Variants in PCDH11X observed in about 807,000 individuals in gnomAD.
The protein encoded by PCDH11X is protocadherin-11 X-linked.
Under a neutral mutation model 53.3 loss-of-function variants are expected in PCDH11X, and 18 were observed. That is an observed-to-expected ratio of 0.34 (90% CI 0.23 to 0.50). The LOEUF is 0.50. Ranked by LOEUF, PCDH11X falls within the 20% of genes least tolerant of loss-of-function variation. The pLI, the probability that PCDH11X is intolerant of heterozygous loss-of-function variation, is 0.98. For missense variants in PCDH11X, 570 were observed against 1,032.4 expected (o/e 0.55, Z 6.14); for synonymous variants, 279 against 393.3 (o/e 0.71, Z 3.44).
intron 10 of PCDH11X, among the ~76,000 whole-genome samples, chrX:92,484,293 ATG>A (rs1454598442): frequency 4.9e-5 from 5 of 102,285 alleles, no homozygotes; most frequent in African/African-American, 1.4e-4. Flanking sequence ...ATGTATATAT[ATG>A]TGTGTGTATA....
chrX:92,496,223 G>A (rs6615408), intron 10 of PCDH11X, among the ~76,000 whole-genome samples: 11,301 of 83,781 alleles, frequency 0.13, 970 homozygotes, highest in East Asian at 0.44. Flanking sequence ...AAATTAGGAA[G>A]TATAAGAGAC....
At chrX:92,205,492 C>T (rs749098751) in intron 7 of PCDH11X, among the ~76,000 whole-genome samples, 12 of 111,064 alleles carry the variant, frequency 1.1e-4, no homozygotes, top group Non-Finnish European at 2.1e-4. Context: ...AAAATTTAAC[C>T]TACCAGTATG....
intron 10 of PCDH11X, among the ~76,000 whole-genome samples, chrX:92,511,373 G>A (rs1248404831): frequency 9.0e-6 from 1 of 111,388 alleles, no homozygotes; most frequent in Admixed American, 9.6e-5. Flanking sequence ...GGTAGTAGGG[G>A]GGCAAATAGC....
chrX:91,962,858 C>T (rs1378917887), intron 6 of PCDH11X, among the ~76,000 whole-genome samples: 5 of 111,581 alleles, frequency 4.5e-5, no homozygotes, highest in Non-Finnish European at 9.4e-5. Context: ...AGCTGCCAAC[C>T]CTTGGGGCTT....
intron 7 of PCDH11X, among the ~76,000 whole-genome samples, chrX:92,242,045 T>G (rs776952511): frequency 9.2e-6 from 1 of 108,228 alleles, no homozygotes; most frequent in Non-Finnish European, 1.9e-5. Flanking sequence ...TGCAGTGAGC[T>G]GAGATCATGC....
chrX:92,339,973 C>A (rs2069713794), intron 8 of PCDH11X, among the ~76,000 whole-genome samples: 1 of 111,339 alleles, frequency 9.0e-6, no homozygotes, highest in Non-Finnish European at 1.9e-5. Flanking sequence ...TGCCTGTGAT[C>A]CTGTAAAATC....
At chrX:92,402,156 AG>A (rs956049960) in intron 9 of PCDH11X, among the ~76,000 whole-genome samples, 1 of 111,919 alleles carries the variant, frequency 8.9e-6, no homozygotes, top group African/African-American at 3.2e-5. Flanking sequence ...CAAATGGAAA[AG>A]CATTCCAAGC....
chrX:92,250,204 C>T (rs777146979), intron 7 of PCDH11X, among the ~76,000 whole-genome samples: 3 of 110,842 alleles, frequency 2.7e-5, no homozygotes, highest in African/African-American at 9.8e-5. Flanking sequence ...ATAATTAAAC[C>T]AATTTTGGAT....
At chrX:92,406,423 T>C (rs986569054) in intron 9 of PCDH11X, among the ~76,000 whole-genome samples, 4 of 105,452 alleles carry the variant, frequency 3.8e-5, no homozygotes, top group African/African-American at 1.4e-4. Flanking sequence ...ATGAATATCA[T>C]TGAGCAGAAA....
chrX:92,510,644 G>A (rs1971947483), intron 10 of PCDH11X, among the ~76,000 whole-genome samples: 1 of 109,703 alleles, frequency 9.1e-6, no homozygotes, highest in Admixed American at 9.8e-5. Flanking sequence ...AGGTTTTGGG[G>A]TGGATTTGAT....
At chrX:92,501,602 A>C (rs1674285253) in intron 10 of PCDH11X, among the ~76,000 whole-genome samples, 1 of 111,919 alleles carries the variant, frequency 8.9e-6, no homozygotes, top group Non-Finnish European at 1.9e-5. Context: ...GTAATTCATC[A>C]CATAAACAGA....
At chrX:91,956,235 G>A (rs1334223520) in intron 6 of PCDH11X, among the ~76,000 whole-genome samples, 3 of 110,506 alleles carry the variant, frequency 2.7e-5, no homozygotes, top group Non-Finnish European at 3.8e-5. Flanking sequence ...TTTAATTGGG[G>A]CATTTAGCCC....
At chrX:92,129,499 C>G (rs57339448) in intron 6 of PCDH11X, among the ~76,000 whole-genome samples, 3,815 of 111,871 alleles carry the variant, frequency 0.034, 169 homozygotes, top group African/African-American at 0.12. Context: ...GAAAAGCATA[C>G]AAATTTATTT....
chrX:91,929,310 G>A (rs757612818), intron 6 of PCDH11X, among the ~76,000 whole-genome samples: 18 of 110,625 alleles, frequency 1.6e-4, no homozygotes, highest in African/African-American at 5.6e-4. Context: ...TATACAGAGA[G>A]TCTAATGAGT....
At chrX:92,389,989 C>T (rs1311642653) in intron 9 of PCDH11X, among the ~76,000 whole-genome samples, 1 of 109,853 alleles carries the variant, frequency 9.1e-6, no homozygotes, top group East Asian at 2.9e-4. Context: ...TTTAGTTGCT[C>T]AATCGATTTT....
At chrX:92,160,198 G>T (rs1332194423) in intron 6 of PCDH11X, among the ~76,000 whole-genome samples, 25 of 108,054 alleles carry the variant, frequency 2.3e-4, no homozygotes, top group African/African-American at 8.5e-4. Flanking sequence ...ATAACCAGGT[G>T]GTATTTAGTT....
intron 9 of PCDH11X, among the ~76,000 whole-genome samples, chrX:92,454,665 T>C (rs1603329669): frequency 9.2e-6 from 1 of 108,419 alleles, no homozygotes; most frequent in African/African-American, 3.3e-5. Context: ...AAAAAGACTA[T>C]TTAGGAAATT....
At chrX:92,521,980 G>T (rs1038257603) in intron 10 of PCDH11X, among the ~76,000 whole-genome samples, 6 of 112,218 alleles carry the variant, frequency 5.3e-5, no homozygotes, top group Admixed American at 1.9e-4. Flanking sequence ...GGACTGGTTT[G>T]ATCTTCTGTT....
chrX:92,034,395 A>AT (rs34501858), intron 6 of PCDH11X, among the ~76,000 whole-genome samples: 2 of 107,625 alleles, frequency 1.9e-5, no homozygotes, highest in Non-Finnish European at 3.8e-5. Context: ...TAACTCTAAT[A>AT]TTTTTTTATA....
Sources: allele counts gnomAD v4.1 joint callset (sites outside exome capture counted in the v4.1 genomes callset), GRCh38; gene constraint gnomAD v4.1.1; transcripts MANE v1.5; gene names NCBI Gene and HGNC (gene_info 2026-07-23, HGNC 2026-07-21).